The following SLC12A7 variants were observed in gnomAD, a reference collection of about 807,000 sequenced individuals.
The protein encoded by SLC12A7 is K-Cl cotransporter 4.
A neutral mutation model predicts 120.6 loss-of-function variants in SLC12A7; 100 were observed. That is an observed-to-expected ratio of 0.83 (90% confidence interval 0.71 to 0.98). The LOEUF is 0.98. SLC12A7 is among the 50% of genes least tolerant of loss of function. The pLI is 0.00. For missense variants in SLC12A7, 1,373 were observed against 1,548.1 expected, an observed-to-expected ratio of 0.89 and a Z score of 1.90; for synonymous variants, 760 against 678.0, an observed-to-expected ratio of 1.12 and a Z score of -1.88.
At chr5:1,058,829 G>A (rs974754538) in intron 21 of SLC12A7, among the ~76,000 whole-genome samples, 7 of 152,100 alleles carry the variant, frequency 4.6e-5, no homozygotes, top group African/African-American at 1.7e-4. Context: ...CACCTGGCCC[G>A]AGGGCCACCG....
chr5:1,155,237 C>T, the SLC12A7 span, among the ~76,000 whole-genome samples: 1 of 152,142 alleles, frequency 6.6e-6, no homozygotes. Flanking sequence ...CACCCTCCCG[C>T]GCTATAAATC....
In SLC12A7 at chr5:1,064,075, C is replaced by A; in HGVS notation, c.2607+8G>T. The A allele has an allele frequency of 2.5e-6, 4 of 1,603,322 alleles. No individual in the cohort carries two copies. Among genetic ancestry groups the A allele is most frequent in the Non-Finnish European group, 3.4e-6 (4 of 1,173,802 alleles). On this transcript the variant is annotated splice_region_variant and intron_variant, in intron 19 of 23. Coordinates refer to ENST00000264930, the MANE Select transcript of SLC12A7 (RefSeq NM_006598.3). The stretch of plus-strand genomic sequence containing the variant: ...CTCCGGCTGGCGTGTCCCCGTCGCA[C>A]GCCCCACCTTGTGCTGGCGCAGCAG...
chr5:1,154,739 C>T, the SLC12A7 span, among the ~76,000 whole-genome samples: 2 of 152,158 alleles, frequency 1.3e-5, no homozygotes, highest in East Asian at 3.9e-4. Context: ...CACACGTGAG[C>T]TGGGTCCCCC....
At chr5:1,143,328 C>T in the SLC12A7 span, among the ~76,000 whole-genome samples, 7 of 152,372 alleles carry the variant, frequency 4.6e-5, no homozygotes, top group Non-Finnish European at 8.8e-5. Context: ...ATTGTTCCCT[C>T]GCAGCCTGGG....
At chr5:1,096,417 CAT>C (rs929901284) in intron 1 of SLC12A7, among the ~76,000 whole-genome samples, 4 of 152,130 alleles carry the variant, frequency 2.6e-5, no homozygotes, top group African/African-American at 9.7e-5. Context: ...AAAAATTACA[CAT>C]ACTTTCAACT....
In SLC12A7 at chr5:1,112,048, C is replaced by T; in HGVS notation, c.-57G>A. On this transcript the variant is annotated 5_prime_UTR_variant, in exon 1 of 24. Coordinates refer to ENST00000264930, the MANE Select transcript of SLC12A7 (RefSeq NM_006598.3). ...CCCGGCCCGCGCTGCGCCGCTCCCG[C>T]CGACGCCACGGGACTTGGAGGCAGG... 8.2e-7 allele frequency: 1 copy of T among 1,212,902 alleles called. No individual in the cohort carries two copies. The highest frequency in any genetic ancestry group is 1.0e-6 in the Non-Finnish European group (1 of 974,806). The allele number at this position is 1,212,902 out of a possible 1,614,324, so 75.1% of individuals were successfully genotyped here. A position where few individuals can be genotyped will look rare whatever the true frequency, so the allele number is the denominator to read the frequency against.
chr5:1,084,087 A>G, intron 7 of SLC12A7, 131 bp from the exon 8 acceptor site: 1 of 732,628 alleles, frequency 1.4e-6, no homozygotes, highest in Non-Finnish European at 2.3e-6. Context: ...CTCCCAAGAC[A>G]GGAAGGCCAC....
rs796719151 is a variant in SLC12A7, at chr5:1,068,333, C to T, written c.2242-2855G>A. Among the ~76,000 whole-genome samples, 10 of 152,318 alleles carry T rather than the reference C, an allele frequency of 6.6e-5. No homozygotes were observed. The East Asian group carries it at 1.2e-3, about 18-fold the overall frequency. On this transcript the variant is annotated intron_variant, in intron 17 of 23. Transcript: ENST00000264930. Reference sequence around the variant, plus strand: ...ACCTGTAATCCCAGCTACTGGGAGGCTGAGGCAGGAGAACTGCTTCAACTC... The same window carrying T: ...ACCTGTAATCCCAGCTACTGGGAGGTTGAGGCAGGAGAACTGCTTCAACTC...
At position 1,076,203 on chromosome 5, in the gene SLC12A7, C is replaced by G. The variant is rs1031786332; in HGVS notation, c.1782G>C (p.Leu594=). The change falls in exon 14 of 24, where the codon CTG becomes CTC. Residue 594 remains leucine, a synonymous_variant. Coordinates refer to ENST00000264930, the MANE Select transcript of SLC12A7 (RefSeq NM_006598.3). ...FFLMCYLFVN[L]ACAVQTLLRT... is the part of the protein sequence containing the mutation. ...GTAGCAGGGTCTGCACGGCGCAGGC[C>G]AGGTTCACGAACAGGTAGCACATGA... 1.2e-6 allele frequency: 2 copies of G among 1,612,034 alleles called. No individual in the cohort carries two copies. The highest frequency in any genetic ancestry group is 2.7e-5 in the African/African-American group (2 of 74,934).
At chr5:1,088,935 C>T (rs1314181221) in intron 4 of SLC12A7, 47 bp downstream of exon 4, 2 of 1,609,064 alleles carry the variant, frequency 1.2e-6, no homozygotes, top group Admixed American at 1.7e-5. Flanking sequence ...TACTGTCCAG[C>T]TGCCACCGCC....
intron 1 of SLC12A7, among the ~76,000 whole-genome samples, chr5:1,106,260 T>C (rs1742520527): frequency 6.6e-6 from 1 of 152,174 alleles, no homozygotes; most frequent in African/African-American, 2.4e-5. Context: ...CAAAACCAGC[T>C]TGGCCAACAT....
chr5:1,083,846 C>T lies in SLC12A7; in HGVS notation c.1028G>A (p.Cys343Tyr). ...GGCGGCGCTGGGCTGGGAGCCGTTG[C>T]AGAAGAGGCCCCAGAGCGCGGAGGT... ...SATSALWGLF[C>Y]NGSQPSAACD... The change falls in exon 8 of 24, where the codon TGC becomes TAC. Residue 343 changes from cysteine (C) to tyrosine (Y), a missense_variant. Coordinates refer to ENST00000264930, the MANE Select transcript of SLC12A7 (RefSeq NM_006598.3). 1 of 1,607,954 alleles carries T rather than the reference C, an allele frequency of 6.2e-7. No homozygotes were observed. The highest frequency in any genetic ancestry group is 2.2e-5 in the East Asian group (1 of 44,732).
At chr5:1,075,995 C>T in intron 14 of SLC12A7, 143 bp downstream of exon 14, 2 of 658,486 alleles carry the variant, frequency 3.0e-6, no homozygotes, top group South Asian at 1.9e-5. Context: ...GGTCTTCAGG[C>T]CCAGAGCAGC....
At chr5:1,074,324 CACCCCA>C (rs1486911473) in intron 16 of SLC12A7, among the ~76,000 whole-genome samples, 1 of 152,204 alleles carries the variant, frequency 6.6e-6, no homozygotes, top group Non-Finnish European at 1.5e-5. Context: ...CACCCTCTCC[CACCCCA>C]AGCCCAGGGC....
chr5:1,147,968 G>T, the SLC12A7 span, among the ~76,000 whole-genome samples: 2 of 151,834 alleles, frequency 1.3e-5, no homozygotes, highest in African/African-American at 4.8e-5. Flanking sequence ...CTCCTGTAGG[G>T]AAACAATTCC....
At chr5:1,080,612 C>T (rs373755248) in intron 9 of SLC12A7, among the ~76,000 whole-genome samples, 4 of 152,338 alleles carry the variant, frequency 2.6e-5, no homozygotes, top group Admixed American at 1.3e-4. Flanking sequence ...CTGTCAGGGG[C>T]GTCCCGACAA....
intron 1 of SLC12A7, among the ~76,000 whole-genome samples, chr5:1,101,493 G>A (rs980171636): frequency 6.6e-6 from 1 of 152,108 alleles, no homozygotes; most frequent in Non-Finnish European, 1.5e-5. Context: ...AGCAAAGGCC[G>A]ACAGCCGCTG....
the SLC12A7 span, among the ~76,000 whole-genome samples, chr5:1,130,678 G>A: frequency 6.8e-6 from 1 of 146,798 alleles, no homozygotes; most frequent in Non-Finnish European, 1.5e-5. Context: ...AGGTGCACCT[G>A]TGCCTGCCCA....
the SLC12A7 span, among the ~76,000 whole-genome samples, chr5:1,131,590 C>T: frequency 1.3e-5 from 2 of 152,322 alleles, no homozygotes; most frequent in African/African-American, 4.8e-5. Context: ...TGTTGGGGGC[C>T]TCACCTGACC....
Sources: gnomAD v4.1 joint callset for allele counts (sites outside exome capture counted in the v4.1 genomes callset) on GRCh38, gnomAD v4.1.1 for gene constraint, MANE v1.5 for transcripts, NCBI Gene and HGNC (gene_info 2026-07-23, HGNC 2026-07-21) for gene names.